Variants in DLGAP2 observed in about 807,000 individuals in gnomAD.
The protein encoded by DLGAP2 is DLG associated protein 2.
In DLGAP2, 26 loss-of-function variants were observed where a neutral mutation model predicts 100.3. The ratio of observed to expected loss-of-function variants is 0.26; its 90% CI spans 0.19 to 0.36. The LOEUF (loss-of-function observed/expected upper bound fraction) is 0.36. Ranked by LOEUF, DLGAP2 falls within the 10% of genes least tolerant of loss-of-function variation. The probability of loss-of-function intolerance (pLI) is 1.00; values close to 1 mark genes in which losing one functional copy is unlikely to be tolerated. For missense variants in DLGAP2, 1,858 were observed against 1,453.2 expected (o/e 1.28, Z -4.53); for synonymous variants, 886 against 630.1 (o/e 1.41, Z -6.08).
At chr8:1,002,849 A>G (rs1340463988) in intron 2 of DLGAP2, 1 of 152,294 alleles carries the variant, frequency 6.6e-6, no homozygotes, top group African/African-American at 2.4e-5. Flanking sequence ...GGGACCCCCA[A>G]AGCATGCCCA....
intron 2 of DLGAP2, chr8:1,002,508 C>G (rs1215102491): frequency 6.6e-6 from 1 of 152,234 alleles, no homozygotes; most frequent in African/African-American, 2.4e-5. Flanking sequence ...GCTGTACACA[C>G]AGCTCTGGGC....
intron 1 of DLGAP2, among the ~76,000 whole-genome samples, chr8:887,761 C>T (rs1032924252): frequency 2.0e-5 from 3 of 152,154 alleles, no homozygotes; most frequent in African/African-American, 4.8e-5. Context: ...TGATGGGCTT[C>T]CCTTTGTAGG....
intron 1 of DLGAP2, among the ~76,000 whole-genome samples, chr8:892,219 A>G (rs1447948080): frequency 4.6e-5 from 7 of 152,118 alleles, no homozygotes; most frequent in Non-Finnish European, 8.8e-5. Flanking sequence ...CAAATGATAG[A>G]CAGCGGGGTC....
intron 3 of DLGAP2, among the ~76,000 whole-genome samples, chr8:1,271,372 A>C (rs1345781467): frequency 1.3e-5 from 2 of 152,200 alleles, no homozygotes. Context: ...TGCATGGCAC[A>C]CACTGGGGAC....
chr8:1,290,403 G>T (rs1255777933), intron 3 of DLGAP2, among the ~76,000 whole-genome samples: 1 of 152,190 alleles, frequency 6.6e-6, no homozygotes, highest in Non-Finnish European at 1.5e-5. Context: ...CGGGCTGTCT[G>T]ACCAGCACAC....
intron 2 of DLGAP2, among the ~76,000 whole-genome samples, chr8:1,063,941 A>G (rs528191553): frequency 6.6e-6 from 1 of 152,288 alleles, no homozygotes; most frequent in African/African-American, 2.4e-5. Context: ...TTTAGCAACA[A>G]GTGCTGGCCT....
chr8:778,418 C>T lies in DLGAP2; in HGVS notation c.18+40593C>T, dbSNP rs71316140. On this transcript the variant is annotated intron_variant, in intron 1 of 14. Transcript: ENST00000637795. ...CTGCGTTCCGTTGGAGGAGGAGAGG[C>T]GCTCTGCTTTTTAGAGTTTCCAGTT... 2.2e-4 allele frequency among the ~76,000 whole-genome samples: 33 copies of T among 152,324 alleles called. 1 individual carries two copies. Among genetic ancestry groups the T allele is most frequent in the African/African-American group, 6.0e-4 (25 of 41,582 alleles).
chr8:1,195,336 G>A (rs1346522325), intron 2 of DLGAP2, among the ~76,000 whole-genome samples: 1 of 152,244 alleles, frequency 6.6e-6, no homozygotes, highest in Admixed American at 6.5e-5. Flanking sequence ...CTGTCTACCA[G>A]GCATGGAGGC....
At chr8:1,093,514 C>T (rs1295637076) in intron 2 of DLGAP2, among the ~76,000 whole-genome samples, 1 of 151,968 alleles carries the variant, frequency 6.6e-6, no homozygotes, top group African/African-American at 2.4e-5. Context: ...TTCACACCAA[C>T]AGCCAGACCG....
At chr8:1,468,303 G>A (rs1798682278) in intron 3 of DLGAP2, among the ~76,000 whole-genome samples, 1 of 151,540 alleles carries the variant, frequency 6.6e-6, no homozygotes, top group Admixed American at 6.6e-5. Context: ...AGCAGCCTCG[G>A]TCCATTCTGA....
At chr8:930,014 T>C (rs1265885601) in intron 2 of DLGAP2, among the ~76,000 whole-genome samples, 1 of 152,116 alleles carries the variant, frequency 6.6e-6, no homozygotes, top group Admixed American at 6.5e-5. Context: ...AGGAGTGAGT[T>C]GGTGCACCTG....
At chr8:1,541,908 G>A (rs920966463) in intron 4 of DLGAP2, among the ~76,000 whole-genome samples, 1 of 152,196 alleles carries the variant, frequency 6.6e-6, no homozygotes, top group African/African-American at 2.4e-5. Context: ...CATGGTCACG[G>A]AACGTTAAGT....
intron 6 of DLGAP2, among the ~76,000 whole-genome samples, chr8:1,588,864 T>C (rs909210598): frequency 4.6e-5 from 7 of 151,976 alleles, no homozygotes; most frequent in Non-Finnish European, 8.8e-5. Context: ...GGAGGTTGCA[T>C]TGAGCCGAGA....
At chr8:938,798 G>T (rs1447768152) in intron 2 of DLGAP2, among the ~76,000 whole-genome samples, 1 of 152,202 alleles carries the variant, frequency 6.6e-6, no homozygotes, top group Non-Finnish European at 1.5e-5. Context: ...ACGGGAGCCA[G>T]AGGGAACCCA....
chr8:999,129 A>G (rs1000015633), intron 2 of DLGAP2, among the ~76,000 whole-genome samples: 2 of 151,878 alleles, frequency 1.3e-5, no homozygotes, highest in African/African-American at 2.4e-5. Flanking sequence ...ACATTTTCTG[A>G]TATTTGTTAT....
chr8:814,584 A>T (rs971729855), intron 1 of DLGAP2, among the ~76,000 whole-genome samples: 2 of 152,124 alleles, frequency 1.3e-5, no homozygotes, highest in African/African-American at 2.4e-5. Flanking sequence ...TAAAATGACC[A>T]ATTAGAAATA....
At chr8:1,460,425 C>T (rs886181848) in intron 3 of DLGAP2, among the ~76,000 whole-genome samples, 14 of 152,140 alleles carry the variant, frequency 9.2e-5, no homozygotes, top group South Asian at 2.1e-4. Flanking sequence ...TTCGTGTCGT[C>T]CTCAACACAA....
chr8:881,852 C>G lies in DLGAP2; in HGVS notation c.19-26060C>G, dbSNP rs149653759. ...TTTATTGGAAACATATGCCCTGTCA[C>G]TTTGTTCCCAGAAATAAACCGTGAA... On this transcript the variant is annotated intron_variant, in intron 1 of 14. Transcript: ENST00000637795. Among the ~76,000 whole-genome samples, 106 of 152,130 alleles carry G rather than the reference C, an allele frequency of 7.0e-4. 1 individual carries two copies. The highest frequency in any genetic ancestry group is 2.4e-3 in the African/African-American group (100 of 41,492).
chr8:760,649 G>A (rs1454770130), intron 1 of DLGAP2, among the ~76,000 whole-genome samples: 1 of 152,152 alleles, frequency 6.6e-6, no homozygotes, highest in African/African-American at 2.4e-5. Flanking sequence ...ACTGACTCCT[G>A]CTCTCATGGC....
Sources: gnomAD v4.1 joint callset for allele counts (sites outside exome capture counted in the v4.1 genomes callset) on GRCh38, gnomAD v4.1.1 for gene constraint, MANE v1.5 for transcripts, NCBI Gene and HGNC (gene_info 2026-07-23, HGNC 2026-07-21) for gene names.